SIPA1L1: variants seen among roughly 807,000 people sequenced by gnomAD.
SIPA1L1 encodes the protein signal induced proliferation associated 1 like 1, also known as signal-induced proliferation-associated 1-like protein 1.
In SIPA1L1, 26 loss-of-function variants were observed where a neutral mutation model predicts 162.7. The ratio of observed to expected loss-of-function variants is 0.16; its 90% CI spans 0.12 to 0.22. The LOEUF (loss-of-function observed/expected upper bound fraction) is 0.22. SIPA1L1 is among the 10% of genes least tolerant of loss of function. The probability of loss-of-function intolerance (pLI) is 1.00; values close to 1 mark genes in which losing one functional copy is unlikely to be tolerated. For synonymous variants in SIPA1L1, 829 were observed against 837.4 expected (o/e 0.99, Z 0.17); for missense variants, 1,874 against 2,241.0 (o/e 0.84, Z 3.31).
intron 7 of SIPA1L1, among the ~76,000 whole-genome samples, chr14:71,633,331 G>A (rs113272814): frequency 1.6e-4 from 24 of 151,956 alleles, no homozygotes; most frequent in South Asian, 2.1e-4. Context: ...TATTAGAGAC[G>A]CCCAGCTAAT....
chr14:71,443,146 A>C (rs533203169), intron 2 of SIPA1L1, among the ~76,000 whole-genome samples: 1 of 152,180 alleles, frequency 6.6e-6, no homozygotes, highest in Non-Finnish European at 1.5e-5. Flanking sequence ...CCTGTGTTCA[A>C]AATGTCCTGA....
Position 71,377,239 on chromosome 14 carries a change from T to C in SIPA1L1, c.-465+56058T>C, listed in dbSNP as rs1353367658. On this transcript the variant is annotated intron_variant, in intron 2 of 23. Transcript: ENST00000381232. The surrounding 1 kb of genome is among the most constrained non-coding windows in gnomAD (Gnocchi z 4.8). Reference sequence around the variant, plus strand: ...AGATGGGGTGGCGGCTGGGCGGGGGTGCCCCCCCACCTCCCAGACGGGGCG... The same window carrying C: ...AGATGGGGTGGCGGCTGGGCGGGGGCGCCCCCCCACCTCCCAGACGGGGCG... Among the ~76,000 whole-genome samples, 1 of 139,366 alleles carries C rather than the reference T, an allele frequency of 7.2e-6. No individual in the cohort carries two copies. The highest frequency in any genetic ancestry group is 2.7e-5 in the African/African-American group (1 of 36,676). 91.4% of individuals were successfully genotyped at this position (139,366 alleles called of 152,430 possible). A position where few individuals can be genotyped will look rare whatever the true frequency, so the allele number is the denominator to read the frequency against.
intron 2 of SIPA1L1, among the ~76,000 whole-genome samples, chr14:71,354,642 T>C (rs2037067497): frequency 6.6e-6 from 1 of 151,762 alleles, no homozygotes; most frequent in Non-Finnish European, 1.5e-5. Context: ...AGGACACATA[T>C]GGTACATGTG....
At chr14:71,619,411 T>C (rs1375542744) in intron 6 of SIPA1L1, among the ~76,000 whole-genome samples, 10 of 152,264 alleles carry the variant, frequency 6.6e-5, no homozygotes, top group Non-Finnish European at 4.4e-5. Flanking sequence ...AACCAGGGGC[T>C]ATCTAATTGT....
At chr14:71,330,171 G>T (rs1183220824) in intron 2 of SIPA1L1, among the ~76,000 whole-genome samples, 1 of 152,098 alleles carries the variant, frequency 6.6e-6, no homozygotes, top group Non-Finnish European at 1.5e-5. Flanking sequence ...AGAAAACTAG[G>T]GAACTAAAAG....
At chr14:71,568,987 G>T (rs1169202422) in intron 4 of SIPA1L1, among the ~76,000 whole-genome samples, 1 of 152,122 alleles carries the variant, frequency 6.6e-6, no homozygotes, top group Admixed American at 6.5e-5. Context: ...ATTAAATCTG[G>T]ATGGCTGGTA....
intron 4 of SIPA1L1, chr14:71,574,835 C>G (rs1246616980): frequency 6.6e-6 from 1 of 151,958 alleles, no homozygotes; most frequent in Non-Finnish European, 1.5e-5. Flanking sequence ...TGAGGAAAAT[C>G]TCACTTAGAA....
At chr14:71,625,596 C>A (rs1367420405) in intron 7 of SIPA1L1, among the ~76,000 whole-genome samples, 6 of 152,174 alleles carry the variant, frequency 3.9e-5, no homozygotes, top group Non-Finnish European at 7.4e-5. Context: ...AATTTGTTGC[C>A]CTTTGAATTC....
chr14:71,320,996 C>T (rs1205315144), intron 1 of SIPA1L1, 126 bp from the exon 2 acceptor site: 1 of 152,140 alleles, frequency 6.6e-6, no homozygotes, highest in South Asian at 2.1e-4. Context: ...ATTCCACCCC[C>T]GCCTCCCTCG....
chr14:71,706,486 G>A (rs1165134349), intron 16 of SIPA1L1, among the ~76,000 whole-genome samples: 3 of 152,006 alleles, frequency 2.0e-5, no homozygotes, highest in Non-Finnish European at 4.4e-5. Context: ...CTGTAGAAAT[G>A]GATTATATAC....
At chr14:71,538,469 G>A (rs1283220113) in intron 4 of SIPA1L1, among the ~76,000 whole-genome samples, 1 of 152,196 alleles carries the variant, frequency 6.6e-6, no homozygotes, top group African/African-American at 2.4e-5. Flanking sequence ...TTAAATGTGT[G>A]TAGTCTGGCA....
At chr14:71,632,733 G>C (rs970152381) in intron 7 of SIPA1L1, among the ~76,000 whole-genome samples, 1 of 152,202 alleles carries the variant, frequency 6.6e-6, no homozygotes, top group South Asian at 2.1e-4. Context: ...GGCAGTATCA[G>C]GAGAGACTCA....
chr14:71,708,029 G>GTT (rs58827391), intron 16 of SIPA1L1, among the ~76,000 whole-genome samples: 16 of 82,092 alleles, frequency 1.9e-4, no homozygotes, highest in Non-Finnish European at 3.0e-4. Context: ...TTTTTTTTTT[G>GTT]TTTTTTTTTT....
chr14:71,383,648 A>G (rs1256526464), intron 2 of SIPA1L1, among the ~76,000 whole-genome samples: 2 of 152,172 alleles, frequency 1.3e-5, no homozygotes, highest in African/African-American at 4.8e-5. Flanking sequence ...GAAGCTTACA[A>G]TCATGATGAA....
At chr14:71,618,995 T>C in intron 6 of SIPA1L1, 108 bp downstream of exon 6, 6 of 1,213,502 alleles carry the variant, frequency 4.9e-6, no homozygotes, top group Non-Finnish European at 6.9e-6. Context: ...ACAGCTGTCT[T>C]TGGAGTAAGC....
At chr14:71,727,524 C>G (rs1372835106) in intron 19 of SIPA1L1, among the ~76,000 whole-genome samples, 4 of 151,526 alleles carry the variant, frequency 2.6e-5, no homozygotes, top group Non-Finnish European at 5.9e-5. Context: ...ATGGGATGGT[C>G]TGGACTCCTG....
chr14:71,649,334 A>G (rs752762684), intron 7 of SIPA1L1, among the ~76,000 whole-genome samples: 25 of 151,818 alleles, frequency 1.6e-4, no homozygotes, highest in Non-Finnish European at 2.8e-4. Flanking sequence ...TGGGACTACA[A>G]GTGTGCACCA....
At chr14:71,578,852 G>T (rs2033508469) in intron 4 of SIPA1L1, among the ~76,000 whole-genome samples, 1 of 152,146 alleles carries the variant, frequency 6.6e-6, no homozygotes, top group Admixed American at 6.5e-5. Flanking sequence ...CTTCATATGG[G>T]TCCCATGGTG....
chr14:71,426,502 T>TTC (rs2043577168), intron 2 of SIPA1L1, among the ~76,000 whole-genome samples: 1 of 145,718 alleles, frequency 6.9e-6, no homozygotes, highest in Non-Finnish European at 1.5e-5. Flanking sequence ...TTTTTTTTTT[T>TTC]CCCAAAGACA....
Sources: allele counts gnomAD v4.1 joint callset (sites outside exome capture counted in the v4.1 genomes callset), GRCh38; gene constraint gnomAD v4.1.1; non-coding constraint Gnocchi (gnomAD v3.1); transcripts MANE v1.5; gene names NCBI Gene and HGNC (gene_info 2026-07-23, HGNC 2026-07-21).